The following DGKB variants were observed in gnomAD, a reference collection of about 807,000 sequenced individuals.
The protein encoded by DGKB is 90 kDa diacylglycerol kinase.
In DGKB, 67 loss-of-function variants were observed where a neutral mutation model predicts 114.3. The ratio of observed to expected loss-of-function variants is 0.59; its 90% CI spans 0.48 to 0.72. The LOEUF is 0.72. Ranked by LOEUF, DGKB falls within the 30% of genes least tolerant of loss-of-function variation. DGKB has a pLI of 0.00. For synonymous variants in DGKB, 398 were observed against 323.1 expected, an observed-to-expected ratio of 1.23 and a Z score of -2.49; for missense variants, 907 against 975.2, an observed-to-expected ratio of 0.93 and a Z score of 0.93.
chr7:14,152,689 A>G (rs10233288), intron 25 of DGKB, among the ~76,000 whole-genome samples: 76 of 152,256 alleles, frequency 5.0e-4, no homozygotes, highest in African/African-American at 1.8e-3. Context: ...ATAATTATTC[A>G]ATATGAAATA....
chr7:14,612,171 T>A (rs1169294692), intron 16 of DGKB, among the ~76,000 whole-genome samples: 3 of 151,150 alleles, frequency 2.0e-5, no homozygotes, highest in Admixed American at 6.6e-5. Flanking sequence ...TTTTATTTTA[T>A]TTTATTTTAT....
intron 2 of DGKB, among the ~76,000 whole-genome samples, chr7:14,781,405 G>A (rs17168425): frequency 0.021 from 3,246 of 152,126 alleles, 85 homozygotes; most frequent in African/African-American, 0.069. Flanking sequence ...CAACATCTTT[G>A]AGTATATTAG....
At chr7:14,323,409 C>T (rs1293733169) in intron 23 of DGKB, among the ~76,000 whole-genome samples, 1 of 152,062 alleles carries the variant, frequency 6.6e-6, no homozygotes, top group Non-Finnish European at 1.5e-5. Context: ...CTTTTCTGCA[C>T]ATATGTTGTA....
intron 23 of DGKB, among the ~76,000 whole-genome samples, chr7:14,222,336 G>C (rs1773343667): frequency 6.6e-6 from 1 of 150,778 alleles, no homozygotes; most frequent in African/African-American, 2.4e-5. Flanking sequence ...AATTTGGTAT[G>C]TTACGTCTTC....
In DGKB at chr7:14,401,272, A is replaced by G. The variant is rs181688479; in HGVS notation, c.1836-55881T>C. On this transcript the variant is annotated intron_variant, in intron 21 of 25. Transcript: ENST00000402815. ...GCCAATTTCTTAACTCTCAACCTTT[A>G]ATAGTAATGTGAACATAGCTGTTGG... Among the ~76,000 whole-genome samples, 25 of 152,030 alleles carry G rather than the reference A, an allele frequency of 1.6e-4. No individual in the cohort carries two copies. The East Asian group carries it at 4.8e-3, about 29-fold the overall frequency.
At chr7:14,599,916 AAT>A (rs1268609248) in intron 17 of DGKB, among the ~76,000 whole-genome samples, 5 of 152,186 alleles carry the variant, frequency 3.3e-5, no homozygotes, top group Non-Finnish European at 5.9e-5. Context: ...ATTTAAGTAA[AAT>A]ATGTTATTTA....
intron 4 of DGKB, among the ~76,000 whole-genome samples, chr7:14,740,096 C>G (rs745932202): frequency 6.6e-6 from 1 of 152,264 alleles, no homozygotes; most frequent in Non-Finnish European, 1.5e-5. Flanking sequence ...AGCTGGCCAG[C>G]GTTCCCCGCC....
intron 1 of DGKB, among the ~76,000 whole-genome samples, chr7:14,871,439 T>G (rs1428114214): frequency 6.6e-6 from 1 of 152,096 alleles, no homozygotes; most frequent in African/African-American, 2.4e-5. Flanking sequence ...GTCTAATCAC[T>G]TTGAAAAAGA....
At chr7:14,704,444 T>C (rs1348798656) in intron 6 of DGKB, among the ~76,000 whole-genome samples, 16 of 101,680 alleles carry the variant, frequency 1.6e-4, no homozygotes, top group African/African-American at 5.1e-4. Flanking sequence ...CGAGACTCCA[T>C]CTCAAAAAAA....
In DGKB at chr7:14,160,396, C is replaced by T. The variant is rs188453366; in HGVS notation, c.2305-11158G>A. On this transcript the variant is annotated intron_variant, in intron 25 of 25. Transcript: ENST00000402815. Reference sequence around the variant, plus strand: ...AAACCCCATTGTCTCAGCCCCAAAACTCCTTAAGCTGATAAACAACTTCAG... The same window carrying T: ...AAACCCCATTGTCTCAGCCCCAAAATTCCTTAAGCTGATAAACAACTTCAG... Among the ~76,000 whole-genome samples, 69 of 152,282 alleles carry T rather than the reference C, an allele frequency of 4.5e-4. 1 individual carries two copies. The East Asian group carries it at 0.011, about 25-fold the overall frequency.
rs145021562 is a variant in DGKB, at chr7:14,257,278, G to T, written c.2123-79127C>A. On this transcript the variant is annotated intron_variant, in intron 23 of 25. Coordinates refer to ENST00000402815, the MANE Select transcript of DGKB (RefSeq NM_001350709.2). ...TCTAGGCTTTCTGTTACCTGAACACGAAATGCATTTACGATTTCTACCCTC... is the reference window on the plus strand; with the variant it reads ...TCTAGGCTTTCTGTTACCTGAACACTAAATGCATTTACGATTTCTACCCTC... 3.0e-3 allele frequency among the ~76,000 whole-genome samples: 449 copies of T among 152,124 alleles called. 3 individuals are homozygous for T. Among genetic ancestry groups the T allele is most frequent in the African/African-American group, 0.01 (430 of 41,478 alleles).
At chr7:14,697,736 AGAAGGAG>A (rs367618715) in intron 8 of DGKB, among the ~76,000 whole-genome samples, 4 of 127,784 alleles carry the variant, frequency 3.1e-5, no homozygotes, top group Admixed American at 1.6e-4. Context: ...AAGGAAAGAA[AGAAGGAG>A]GAAAGAAAGA....
chr7:14,929,963 G>A (rs1237210144), intron 1 of DGKB, among the ~76,000 whole-genome samples: 2 of 151,960 alleles, frequency 1.3e-5, no homozygotes, highest in Admixed American at 1.3e-4. Context: ...TTCCAGCATC[G>A]TTTATTGAAA....
chr7:14,185,095 G>A (rs868827198), intron 23 of DGKB, among the ~76,000 whole-genome samples: 1 of 152,126 alleles, frequency 6.6e-6, no homozygotes, highest in African/African-American at 2.4e-5. Flanking sequence ...GTCACTGTTT[G>A]CTGATGATAT....
At chr7:14,390,837 G>C (rs962578933) in intron 21 of DGKB, among the ~76,000 whole-genome samples, 2 of 152,140 alleles carry the variant, frequency 1.3e-5, no homozygotes, top group Non-Finnish European at 2.9e-5. Flanking sequence ...AGTCACAATA[G>C]AATTTAGAAG....
intron 20 of DGKB, among the ~76,000 whole-genome samples, chr7:14,567,613 A>ATC (rs1183643212): frequency 1.6e-5 from 2 of 123,550 alleles, no homozygotes; most frequent in Non-Finnish European, 3.2e-5. Flanking sequence ...ATATATATAT[A>ATC]TCTTTTTTAT....
chr7:14,210,694 T>TTCAAG (rs1306271590), intron 23 of DGKB, among the ~76,000 whole-genome samples: 1 of 152,032 alleles, frequency 6.6e-6, no homozygotes, highest in Non-Finnish European at 1.5e-5. Flanking sequence ...TGTCCCTCTC[T>TTCAAG]TCAAGTCTTC....
chr7:14,840,302 T>C (rs1348607384), intron 2 of DGKB, among the ~76,000 whole-genome samples: 7 of 152,158 alleles, frequency 4.6e-5, no homozygotes, highest in Non-Finnish European at 8.8e-5. Context: ...ATCATTCTTA[T>C]TGCATTCTCT....
At chr7:14,205,990 C>T (rs1033653437) in intron 23 of DGKB, among the ~76,000 whole-genome samples, 2 of 151,986 alleles carry the variant, frequency 1.3e-5, no homozygotes, top group Non-Finnish European at 2.9e-5. Context: ...AAGATCATTT[C>T]TGGTATACAA....
Sources: allele counts gnomAD v4.1 joint callset (sites outside exome capture counted in the v4.1 genomes callset), GRCh38; gene constraint gnomAD v4.1.1; transcripts MANE v1.5; gene names NCBI Gene and HGNC (gene_info 2026-07-23, HGNC 2026-07-21).